NRAP: variants seen among roughly 807,000 people sequenced by gnomAD.
NRAP encodes nebulin related anchoring protein.
Under a neutral mutation model 225.9 loss-of-function variants are expected in NRAP, and 189 were observed. The observed-to-expected ratio is 0.84, with a 90% CI of 0.74 to 0.94. NRAP has a LOEUF of 0.94. Among genes scored for constraint, NRAP ranks in the 40% least tolerant of loss-of-function variants. NRAP has a pLI of 0.00. For missense variants in NRAP, 2,176 were observed against 2,168.7 expected, an observed-to-expected ratio of 1.00 and a Z score of -0.07; for synonymous variants, 769 against 790.7, an observed-to-expected ratio of 0.97 and a Z score of 0.46.
At chr10:113,620,579 G>A (rs376266199) in intron 25 of NRAP, 25 bp downstream of exon 25, 34 of 1,430,050 alleles carry the variant, frequency 2.4e-5, no homozygotes, top group Non-Finnish European at 3.2e-5. Context: ...AGCCAGGCCT[G>A]TTACAGGCTG....
At chr10:113,661,670 A>G (rs1850687264) in intron 3 of NRAP, among the ~76,000 whole-genome samples, 1 of 152,222 alleles carries the variant, frequency 6.6e-6, no homozygotes, top group Non-Finnish European at 1.5e-5. Flanking sequence ...GTTATTTGAC[A>G]AAACTCCACT....
chr10:113,641,220 T>C, intron 13 of NRAP, 145 bp downstream of exon 13: 1 of 523,682 alleles, frequency 1.9e-6, no homozygotes, highest in Non-Finnish European at 3.4e-6. Context: ...TCCGCTAACA[T>C]TTAGAAACTC....
chr10:113,641,332 C>T, intron 13 of NRAP, 33 bp downstream of exon 13: 1 of 1,326,802 alleles, frequency 7.5e-7, no homozygotes. Context: ...TGCCCCACTC[C>T]ATCCCAACAG....
At chr10:113,592,145 C>T in intron 39 of NRAP, 49 bp downstream of exon 39, 1 of 1,224,064 alleles carries the variant, frequency 8.2e-7, no homozygotes, top group South Asian at 1.4e-5. Context: ...ACTGGGAAAA[C>T]CAGAGAAAAA....
At chr10:113,637,006 CAAAAA>C (rs59937257) in intron 14 of NRAP, among the ~76,000 whole-genome samples, 3 of 89,262 alleles carry the variant, frequency 3.4e-5, no homozygotes, top group East Asian at 3.1e-4. Context: ...GACTTCATCT[CAAAAA>C]AAAAAAAAAA....
chr10:113,657,991 C>T (rs1850413805), intron 3 of NRAP, among the ~76,000 whole-genome samples: 1 of 152,156 alleles, frequency 6.6e-6, no homozygotes, highest in Non-Finnish European at 1.5e-5. Context: ...CACAATTTTA[C>T]CTTTAACATC....
In NRAP at chr10:113,620,631, C is replaced by A. The variant is rs145545566; in HGVS notation, c.2847G>T (p.Ala949=). ...VATGSLNVEQ[A]KKAGELISEK... is the part of the protein sequence containing the mutation. ...CGCTAATGAGTTCTCCTGCCTTCTT[C>A]GCCTGCTCCACATTTAATGACCCGG... Residue 949 remains alanine (A), a synonymous_variant, in exon 25 of 42, where the codon GCG becomes GCT. Coordinates refer to ENST00000359988, the MANE Select transcript of NRAP (RefSeq NM_198060.4). 7.4e-6 allele frequency: 12 copies of A among 1,613,416 alleles called. No homozygotes were observed. The highest frequency in any genetic ancestry group is 6.7e-5 in the East Asian group (3 of 44,868).
chr10:113,603,271 T>C (rs936412621), intron 35 of NRAP, among the ~76,000 whole-genome samples: 7 of 152,086 alleles, frequency 4.6e-5, no homozygotes, highest in Admixed American at 3.9e-4. Flanking sequence ...ATGGTTGGAA[T>C]CTCAGAAGTC....
At chr10:113,618,049 T>G (rs1847773358) in intron 25 of NRAP, among the ~76,000 whole-genome samples, 1 of 151,942 alleles carries the variant, frequency 6.6e-6, no homozygotes, top group Non-Finnish European at 1.5e-5. Context: ...AGAGCCTAGT[T>G]CAGTTAACAC....
intron 34 of NRAP, 104 bp from the exon 35 acceptor site, chr10:113,605,024 A>T (rs1184317249): frequency 1.6e-6 from 2 of 1,285,242 alleles, no homozygotes; most frequent in East Asian, 2.4e-5. Context: ...TATAAGAAAA[A>T]CCACAGTGGG....
chr10:113,645,746 T>G, intron 11 of NRAP, 79 bp downstream of exon 11: 1 of 753,336 alleles, frequency 1.3e-6, no homozygotes, highest in Non-Finnish European at 2.2e-6. Flanking sequence ...GAGCTTTTTA[T>G]TATAGGGTCA....
intron 32 of NRAP, among the ~76,000 whole-genome samples, chr10:113,608,167 C>G (rs1286951638): frequency 1.3e-5 from 2 of 152,186 alleles, no homozygotes; most frequent in Non-Finnish European, 2.9e-5. Flanking sequence ...CCAGTATGCT[C>G]CCAGGCAATG....
intron 35 of NRAP, among the ~76,000 whole-genome samples, chr10:113,600,720 G>A (rs1442354134): frequency 6.6e-6 from 1 of 152,178 alleles, no homozygotes; most frequent in Non-Finnish European, 1.5e-5. Flanking sequence ...ACAGTCTTGA[G>A]CAAGTCATTT....
chr10:113,616,428 C>T (rs7905399), intron 26 of NRAP, among the ~76,000 whole-genome samples: 5,331 of 152,258 alleles, frequency 0.035, 305 homozygotes, highest in African/African-American at 0.12. Flanking sequence ...CAAGTTTCTA[C>T]GTATCACAGC....
At chr10:113,651,390 C>T (rs1256808467) in intron 7 of NRAP, among the ~76,000 whole-genome samples, 1 of 152,180 alleles carries the variant, frequency 6.6e-6, no homozygotes, top group East Asian at 1.9e-4. Context: ...AGGTTTGTTA[C>T]GTAGGTAAAT....
In NRAP at chr10:113,614,934, C is replaced by A; in HGVS notation, c.3091G>T (p.Glu1031Ter). The change falls in exon 28 of 42, where the codon GAA becomes TAA. Residue 1031 changes from glutamate to a stop codon, truncating the protein, a stop_gained. Coordinates refer to ENST00000359988, the MANE Select transcript of NRAP (RefSeq NM_198060.4). LOFTEE classifies it high-confidence loss of function. ...AMNISETRYKESWSKLRDGGY... is the reference protein window; with the variant it reads ...AMNISETRYK ...CCATCTCGAAGTTTGCTCCAGGATT[C>A]CTTATAACGCGTCTGTCGGGAAGAT... 1.2e-6 allele frequency: 2 copies of A among 1,600,982 alleles called. No homozygotes were observed. Among genetic ancestry groups the A allele is most frequent in the Non-Finnish European group, 1.7e-6 (2 of 1,167,910 alleles).
chr10:113,617,699 C>G (rs370697007), intron 25 of NRAP, 146 bp from the exon 26 acceptor site: 11 of 616,172 alleles, frequency 1.8e-5, no homozygotes, highest in Non-Finnish European at 2.6e-5. Flanking sequence ...ATCCTAGGTG[C>G]CTTCAGGTTA....
intron 34 of NRAP, among the ~76,000 whole-genome samples, 193 bp from the exon 35 acceptor site, chr10:113,605,113 C>G (rs1423080537): frequency 6.6e-6 from 1 of 152,188 alleles, no homozygotes; most frequent in Non-Finnish European, 1.5e-5. Context: ...TAATTAAAAT[C>G]AGATCCTCAG....
intron 24 of NRAP, 150 bp from the exon 25 acceptor site, chr10:113,620,858 G>A (rs1847947337): frequency 3.2e-6 from 2 of 624,930 alleles, no homozygotes; most frequent in Admixed American, 2.8e-5. Flanking sequence ...AAAGTCACAG[G>A]TAGGGCTCCC....
Sources: gnomAD v4.1 joint callset for allele counts (sites outside exome capture counted in the v4.1 genomes callset) on GRCh38, gnomAD v4.1.1 for gene constraint, MANE v1.5 for transcripts, NCBI Gene and HGNC (gene_info 2026-07-23, HGNC 2026-07-21) for gene names.